The following TRIP10 variants were observed in gnomAD, a reference collection of about 807,000 sequenced individuals.
TRIP10 encodes thyroid hormone receptor interactor 10, also known as cdc42-interacting protein 4.
TRIP10 carries 54 observed loss-of-function variants against 80.9 expected under a neutral mutation model. That is an observed-to-expected ratio of 0.67 (90% CI 0.54 to 0.84). TRIP10 has a LOEUF of 0.84. Among genes scored for constraint, TRIP10 ranks in the 40% least tolerant of loss-of-function variants. The probability of loss-of-function intolerance (pLI) is 0.00; values close to 1 mark genes in which losing one functional copy is unlikely to be tolerated. For synonymous variants in TRIP10, 321 were observed against 307.2 expected, an observed-to-expected ratio of 1.04 and a Z score of -0.47; for missense variants, 773 against 815.3, an observed-to-expected ratio of 0.95 and a Z score of 0.63.
intron 5 of TRIP10, 38 bp downstream of exon 5, chr19:6,743,294 GC>G: frequency 6.2e-7 from 1 of 1,610,384 alleles, no homozygotes; most frequent in South Asian, 1.1e-5. Context: ...TGGCCCGGAG[GC>G]ATGGGGGCAG....
At position 6,749,951 on chromosome 19, in the gene TRIP10, T is replaced by A; in HGVS notation, c.1280T>A (p.Met427Lys). The A allele has an allele frequency of 6.2e-7, 1 of 1,613,916 alleles. No individual in the cohort carries two copies. Among genetic ancestry groups the A allele is most frequent in the Non-Finnish European group, 8.5e-7 (1 of 1,179,928 alleles). The change falls in exon 12 of 15, where the codon ATG becomes AAG. Residue 427 changes from methionine to lysine, a missense_variant. Coordinates refer to ENST00000313244, the MANE Select transcript of TRIP10 (RefSeq NM_001288962.2). The part of the protein sequence containing the change: ...EVDQREALKK[M>K]KDVYEKTPQM... Reference sequence around the variant, plus strand: ...TGTCATAGGGAAGCCCTAAAGAAAATGAAGGATGTCTATGAGAAGACACCT... The same window carrying A: ...TGTCATAGGGAAGCCCTAAAGAAAAAGAAGGATGTCTATGAGAAGACACCT...
Position 6,750,347 on chromosome 19 carries a change from G to C in TRIP10, c.1451G>C (p.Ser484Thr), listed in dbSNP as rs1316685122. Residue 484 changes from serine (S) to threonine (T), a missense_variant, in exon 13 of 15, where the codon AGC becomes ACC. Transcript: ENST00000313244. Reference sequence around the variant, plus strand: ...CTTAGCAACCGGGGAGACAGCCTGAGCCGGCACGCCCGGCCTCCCGACCCC... The same window carrying C: ...CTTAGCAACCGGGGAGACAGCCTGACCCGGCACGCCCGGCCTCCCGACCCC... Reference protein sequence around the residue: ...RVLSNRGDSLSRHARPPDPPA... With the variant: ...RVLSNRGDSLTRHARPPDPPA... The C allele has an allele frequency of 6.2e-7, 1 of 1,614,108 alleles. No homozygotes were observed. The highest frequency in any genetic ancestry group is 2.2e-5 in the East Asian group (1 of 44,878).
rs1335099305 is a variant in TRIP10, at chr19:6,750,316, C to G, written c.1420C>G (p.Arg474Gly). Residue 474 changes from arginine to glycine, a missense_variant, in exon 13 of 15, where the codon CGA becomes GGA. Physicochemically the swap from Arg to Gly is moderately radical, Grantham distance 125. Transcript: ENST00000313244. ...GGCGTGGCTGGCAGAAGCTGAAAGT[C>G]GAGTCCTTAGCAACCGGGGAGACAG... ...YEAWLAEAES[R>G]VLSNRGDSLS... 6.2e-6 allele frequency: 10 copies of G among 1,613,952 alleles called. No homozygotes were observed. The highest frequency in any genetic ancestry group is 7.6e-6 in the Non-Finnish European group (9 of 1,180,008).
rs1488937087 is a variant in TRIP10, at chr19:6,744,537, T to C, written c.643-17T>C. 8.1e-6 allele frequency: 13 copies of C among 1,613,682 alleles called. No individual in the cohort carries two copies. Among genetic ancestry groups the C allele is most frequent in the African/African-American group, 2.7e-5 (2 of 74,940 alleles). Reference sequence around the variant, plus strand: ...TCTGTTAGCACCCCTGAGCCACCCTTGTCCCTGTCCTTACAGAAGCTCCAA... The same window carrying C: ...TCTGTTAGCACCCCTGAGCCACCCTCGTCCCTGTCCTTACAGAAGCTCCAA... On this transcript the variant is annotated splice_polypyrimidine_tract_variant and intron_variant, in intron 7 of 14. Coordinates refer to ENST00000313244, the MANE Select transcript of TRIP10 (RefSeq NM_001288962.2). This position sits in a 1 kb window ranked among gnomAD's most constrained non-coding sequence, Gnocchi z 4.9.
intron 1 of TRIP10, 70 bp downstream of exon 1, chr19:6,739,855 G>GT (rs2145526517): frequency 7.3e-7 from 1 of 1,374,312 alleles, no homozygotes; most frequent in Non-Finnish European, 9.5e-7. Context: ...TGTCCCCAAT[G>GT]TATCTTAGAG....
intron 11 of TRIP10, among the ~76,000 whole-genome samples, chr19:6,749,600 G>A (rs1261057907): frequency 6.6e-6 from 1 of 152,148 alleles, no homozygotes. Flanking sequence ...TGTGGCTCAT[G>A]CCTGTAATCC....
At chr19:6,749,845 G>A in intron 11 of TRIP10, 89 bp from the exon 12 acceptor site, 1 of 1,522,132 alleles carries the variant, frequency 6.6e-7, no homozygotes, top group South Asian at 1.3e-5. Flanking sequence ...GTCAGAATGA[G>A]ACCCTGACTC....
chr19:6,749,791 C>T, intron 11 of TRIP10, 143 bp from the exon 12 acceptor site: 10 of 1,192,954 alleles, frequency 8.4e-6, no homozygotes, highest in Non-Finnish European at 1.2e-5. Flanking sequence ...GTTAAGGTTG[C>T]AGTGAGCCAT....
chr19:6,747,015 G>A (rs1969156452), intron 11 of TRIP10, among the ~76,000 whole-genome samples: 1 of 152,214 alleles, frequency 6.6e-6, no homozygotes, highest in Non-Finnish European at 1.5e-5. Context: ...TTTTACAGGT[G>A]ATTCCTACCA....
chr19:6,742,938 CCT>C (rs1968965169), intron 3 of TRIP10, 27 bp from the exon 4 acceptor site: 4 of 1,611,310 alleles, frequency 2.5e-6, no homozygotes, highest in Non-Finnish European at 3.4e-6. Flanking sequence ...GGCCTGACTC[CCT>C]GTTCCCCGAT....
At chr19:6,742,585 C>T (rs943154313) in intron 3 of TRIP10, among the ~76,000 whole-genome samples, 2 of 151,650 alleles carry the variant, frequency 1.3e-5, no homozygotes, top group Admixed American at 6.6e-5. Context: ...CGGGAAGATG[C>T]GGAGTTCGGG....
intron 11 of TRIP10, among the ~76,000 whole-genome samples, chr19:6,749,190 C>T (rs1189977662): frequency 6.6e-6 from 1 of 152,130 alleles, no homozygotes; most frequent in Non-Finnish European, 1.5e-5. Context: ...GATCCTTCCA[C>T]CTCAGCCTCC....
chr19:6,750,143 G>GGGGGGGGGGGGGGA, intron 12 of TRIP10, 77 bp downstream of exon 12: 1 of 842,272 alleles, frequency 1.2e-6, no homozygotes, highest in Non-Finnish European at 1.9e-6. Flanking sequence ...GGGGGTCGGG[G>GGGGGGGGGGGGGGA]ACAGGGGAGG....
Position 6,744,311 on chromosome 19 carries a change from TCTC to T in TRIP10, c.643-237_643-235del, listed in dbSNP as rs1420065792. On this transcript the variant is annotated intron_variant, in intron 7 of 14. Coordinates refer to ENST00000313244, the MANE Select transcript of TRIP10 (RefSeq NM_001288962.2). This position sits in a 1 kb window ranked among gnomAD's most constrained non-coding sequence, Gnocchi z 4.9. ...TTTTCTTCAAATCCCTGTTCCCTTG[TCTC>T]CTCCTTTGAGAAGCCTTTGCTGACC... 6.6e-6 allele frequency among the ~76,000 whole-genome samples: 1 copy of T among 152,142 alleles called. No homozygotes were observed. The highest frequency in any genetic ancestry group is 2.4e-5 in the African/African-American group (1 of 41,418).
Position 6,750,082 on chromosome 19 carries a change from G to A in TRIP10, c.1395+16G>A. On this transcript the variant is annotated intron_variant, in intron 12 of 14. Coordinates refer to ENST00000313244, the MANE Select transcript of TRIP10 (RefSeq NM_001288962.2). ...GAAGTATGAGGTCAGGAAAGACCCT[G>A]GGGAGGGGCGGGAGCCAGCGGGCCT... 2 of 1,612,054 alleles carry A rather than the reference G, an allele frequency of 1.2e-6. No homozygotes were observed. Among genetic ancestry groups the A allele is most frequent in the Non-Finnish European group, 1.7e-6 (2 of 1,179,282 alleles).
intron 1 of TRIP10, chr19:6,740,796 C>T: frequency 1.8e-6 from 1 of 558,150 alleles, no homozygotes; most frequent in South Asian, 2.2e-5. Flanking sequence ...TGGCTGGGGC[C>T]TGGGCGCTGT....
rs371717622 is a variant in TRIP10 at position 6,750,484 on chromosome 19, C to T, written c.1536-28C>T. The T allele has an allele frequency of 5.6e-6, 9 of 1,613,776 alleles. No homozygotes were observed. In the African/African-American group the frequency reaches 1.1e-4, roughly 19 times the overall value. ...TTCCCAGGGTCCCAGGAGGGCCTGTCTTTATCTGCCGAATTATCCCCAAAC... is the reference window on the plus strand; with the variant it reads ...TTCCCAGGGTCCCAGGAGGGCCTGTTTTTATCTGCCGAATTATCCCCAAAC... On this transcript the variant is annotated intron_variant, in intron 13 of 14. Transcript: ENST00000313244.
chr19:6,743,075 G>T lies in TRIP10; in HGVS notation c.306G>T (p.Leu102=). ...ENLSVRVCLE[L]TKYSQEMKQE... ...TCAGTGTCCGTGTATGTCTTGAGCTGACCAAGTACTCACAAGAGATGAAAC... is the reference window on the plus strand; with the variant it reads ...TCAGTGTCCGTGTATGTCTTGAGCTTACCAAGTACTCACAAGAGATGAAAC... The change falls in exon 4 of 15, where the codon CTG becomes CTT. Residue 102 remains leucine, a synonymous_variant. Transcript: ENST00000313244. The T allele has an allele frequency of 6.2e-7, 1 of 1,614,152 alleles. No individual in the cohort carries two copies. The highest frequency in any genetic ancestry group is 1.1e-5 in the South Asian group (1 of 91,048).
chr19:6,744,963 C>T lies in TRIP10; in HGVS notation c.953C>T (p.Thr318Ile), dbSNP rs1050490224. The T allele has an allele frequency of 1.2e-6, 2 of 1,613,738 alleles. No individual in the cohort carries two copies. The highest frequency in any genetic ancestry group is 1.7e-6 in the Non-Finnish European group (2 of 1,179,916). ...CTCCGAGGCCCGGGTCGCAGCCGCA[C>T]CAAGCGCTGGCCTTTTGGCAAGAAG... ...PELRGPGRSR[T>I]KRWPFGKKNK... Residue 318 changes from threonine (T) to isoleucine (I), a missense_variant, in exon 9 of 15, where the codon ACC (threonine) becomes ATC (isoleucine). Physicochemically the swap from Thr to Ile is moderately conservative, Grantham distance 89. Coordinates refer to ENST00000313244, the MANE Select transcript of TRIP10 (RefSeq NM_001288962.2). This position sits in a 1 kb window ranked among gnomAD's most constrained non-coding sequence, Gnocchi z 4.9.
Sources: allele counts gnomAD v4.1 joint callset (sites outside exome capture counted in the v4.1 genomes callset), GRCh38; gene constraint gnomAD v4.1.1; non-coding constraint Gnocchi (gnomAD v3.1); transcripts MANE v1.5; gene names NCBI Gene and HGNC (gene_info 2026-07-23, HGNC 2026-07-21).